The following CERKL variants were observed in gnomAD, a reference collection of about 807,000 sequenced individuals.
CERKL encodes the protein ceramide kinase-like protein.
In CERKL, 61 loss-of-function variants were observed where a neutral mutation model predicts 63.4. That is an observed-to-expected ratio of 0.96 (90% CI 0.78 to 1.19). CERKL has a LOEUF of 1.19. CERKL is among the 50% of genes most tolerant of loss of function. The pLI is 0.00. For synonymous variants in CERKL, 250 were observed against 230.5 expected, an observed-to-expected ratio of 1.08 and a Z score of -0.77; for missense variants, 675 against 655.5, an observed-to-expected ratio of 1.03 and a Z score of -0.33.
At chr2:181,643,366 A>C (rs1172881621) in intron 1 of CERKL, among the ~76,000 whole-genome samples, 1 of 152,218 alleles carries the variant, frequency 6.6e-6, no homozygotes, top group Non-Finnish European at 1.5e-5. Flanking sequence ...TAGGGCCTTC[A>C]GCGGCCACTG....
At chr2:181,572,780 C>CTTTTTTTTTTTT (rs5836800) in intron 3 of CERKL, among the ~76,000 whole-genome samples, 1 of 131,192 alleles carries the variant, frequency 7.6e-6, no homozygotes. Context: ...ACAAAACTTG[C>CTTTTTTTTTTTT]TTTTTTTTTT....
At chr2:181,641,277 G>A (rs1324943600) in intron 1 of CERKL, among the ~76,000 whole-genome samples, 1 of 145,046 alleles carries the variant, frequency 6.9e-6, no homozygotes, top group Non-Finnish European at 1.5e-5. Flanking sequence ...TAATATATGT[G>A]TGTATATATG....
intron 2 of CERKL, among the ~76,000 whole-genome samples, chr2:181,601,764 C>A (rs1192315040): frequency 6.6e-6 from 1 of 152,142 alleles, no homozygotes; most frequent in Non-Finnish European, 1.5e-5. Context: ...ATGTATCAGT[C>A]AGTCTTGGTT....
chr2:181,562,566 T>G (rs890887071), intron 4 of CERKL, among the ~76,000 whole-genome samples: 3 of 152,194 alleles, frequency 2.0e-5, no homozygotes, highest in African/African-American at 7.2e-5. Context: ...AGTGAGTTAA[T>G]CACACTTGTG....
chr2:181,562,460 T>C (rs1315880543), intron 4 of CERKL, among the ~76,000 whole-genome samples: 2 of 152,320 alleles, frequency 1.3e-5, no homozygotes, highest in East Asian at 3.9e-4. Flanking sequence ...TTAAATATTT[T>C]ACAGTTTGGT....
At chr2:181,569,501 T>C (rs1446052052) in intron 3 of CERKL, among the ~76,000 whole-genome samples, 1 of 152,076 alleles carries the variant, frequency 6.6e-6, no homozygotes. Flanking sequence ...TTAACAGCCA[T>C]GTTAGAAGCG....
chr2:181,599,739 T>C (rs1685379320), intron 2 of CERKL, among the ~76,000 whole-genome samples: 1 of 152,086 alleles, frequency 6.6e-6, no homozygotes, highest in Non-Finnish European at 1.5e-5. Context: ...ACTGGCATTC[T>C]TGATGGAGAA....
intron 4 of CERKL, among the ~76,000 whole-genome samples, chr2:181,559,596 C>G (rs573036419): frequency 6.6e-6 from 1 of 152,106 alleles, no homozygotes; most frequent in Non-Finnish European, 1.5e-5. Flanking sequence ...GCCTAATGGA[C>G]CCAGATCTGG....
intron 2 of CERKL, among the ~76,000 whole-genome samples, chr2:181,583,053 T>C (rs1684598465): frequency 6.6e-6 from 1 of 152,080 alleles, no homozygotes; most frequent in Non-Finnish European, 1.5e-5. Flanking sequence ...ATTAGTTAAC[T>C]AAGCATTTAT....
At chr2:181,609,102 C>T (rs1161847536) in intron 1 of CERKL, among the ~76,000 whole-genome samples, 2 of 151,934 alleles carry the variant, frequency 1.3e-5, no homozygotes, top group Non-Finnish European at 2.9e-5. Context: ...CCAGTATTCT[C>T]TTTATTTTCT....
intron 2 of CERKL, among the ~76,000 whole-genome samples, chr2:181,580,147 C>A (rs1207267108): frequency 1.3e-5 from 2 of 151,960 alleles, no homozygotes; most frequent in East Asian, 3.9e-4. Context: ...ATCTTAAGAT[C>A]AAATAATACT....
intron 1 of CERKL, among the ~76,000 whole-genome samples, chr2:181,651,764 G>GA (rs1229505402): frequency 6.7e-6 from 1 of 150,180 alleles, no homozygotes; most frequent in Non-Finnish European, 1.5e-5. Flanking sequence ...CTTATAGATA[G>GA]AAAACCCAAA....
intron 2 of CERKL, among the ~76,000 whole-genome samples, chr2:181,599,983 A>T (rs964633942): frequency 6.6e-5 from 10 of 152,222 alleles, no homozygotes; most frequent in African/African-American, 2.2e-4. Context: ...AGGAAATCCA[A>T]TCAGACTAAT....
intron 2 of CERKL, among the ~76,000 whole-genome samples, chr2:181,578,404 A>G (rs1206129770): frequency 6.6e-6 from 1 of 152,066 alleles, no homozygotes; most frequent in Non-Finnish European, 1.5e-5. Flanking sequence ...GGCTCAAGCA[A>G]TCCTCTTGCC....
chr2:181,569,457 A>G (rs13020851), intron 3 of CERKL, among the ~76,000 whole-genome samples: 52,889 of 151,956 alleles, frequency 0.35, 9,758 homozygotes, highest in South Asian at 0.65. Context: ...AAGTAGAGCC[A>G]TAAACAACCA....
intron 4 of CERKL, among the ~76,000 whole-genome samples, chr2:181,563,420 T>C (rs1459971123): frequency 6.6e-6 from 1 of 152,322 alleles, no homozygotes; most frequent in East Asian, 1.9e-4. Flanking sequence ...CTAAATACTA[T>C]ACATAGAATC....
intron 1 of CERKL, among the ~76,000 whole-genome samples, chr2:181,631,013 C>T (rs1686933880): frequency 6.6e-6 from 1 of 152,040 alleles, no homozygotes; most frequent in Non-Finnish European, 1.5e-5. Context: ...AATTAGAATG[C>T]CAGATTATAT....
At chr2:181,566,547 G>A (rs571968595) in intron 3 of CERKL, among the ~76,000 whole-genome samples, 1 of 152,228 alleles carries the variant, frequency 6.6e-6, no homozygotes, top group Admixed American at 6.6e-5. Flanking sequence ...TAGTCAAAAG[G>A]TTAGTGTAAG....
At chr2:181,578,990 A>T (rs1684383861) in intron 2 of CERKL, among the ~76,000 whole-genome samples, 1 of 152,032 alleles carries the variant, frequency 6.6e-6, no homozygotes, top group Non-Finnish European at 1.5e-5. Flanking sequence ...TAAATCACTC[A>T]CTACAGAAAC....
Sources: gnomAD v4.1 joint callset for allele counts (sites outside exome capture counted in the v4.1 genomes callset) on GRCh38, gnomAD v4.1.1 for gene constraint, MANE v1.5 for transcripts, NCBI Gene and HGNC (gene_info 2026-07-23, HGNC 2026-07-21) for gene names.